SGMS1: variants seen among roughly 807,000 people sequenced by gnomAD.
SGMS1 encodes sphingomyelin synthase 1, also known as phosphatidylcholine:ceramide cholinephosphotransferase 1.
Under a neutral mutation model 46.2 loss-of-function variants are expected in SGMS1, and 13 were observed. The ratio of observed to expected loss-of-function variants is 0.28; its 90% CI spans 0.18 to 0.45. The LOEUF (loss-of-function observed/expected upper bound fraction) is 0.45. SGMS1 is among the 20% of genes least tolerant of loss of function. The pLI is 1.00. For synonymous variants in SGMS1, 203 were observed against 187.8 expected (o/e 1.08, Z -0.66); for missense variants, 324 against 519.9 (o/e 0.62, Z 3.66).
intron 2 of SGMS1, among the ~76,000 whole-genome samples, chr10:50,588,518 A>AT (rs1814972938): frequency 6.6e-6 from 1 of 152,186 alleles, no homozygotes; most frequent in Non-Finnish European, 1.5e-5. Context: ...TGTCTTTGAG[A>AT]TTTTAAGTAA....
intron 1 of SGMS1, among the ~76,000 whole-genome samples, chr10:50,600,655 T>A (rs767616443): frequency 2.6e-5 from 4 of 152,226 alleles, no homozygotes; most frequent in Admixed American, 1.3e-4. Context: ...ATGCTTCTGT[T>A]ACCCAGCTTC....
intron 6 of SGMS1, among the ~76,000 whole-genome samples, chr10:50,416,450 C>T (rs1305719609): frequency 6.6e-6 from 1 of 152,118 alleles, no homozygotes; most frequent in East Asian, 1.9e-4. Flanking sequence ...AAATATTCAG[C>T]TTTTATACAA....
chr10:50,527,537 A>C (rs1336940044), intron 2 of SGMS1, among the ~76,000 whole-genome samples: 2 of 152,178 alleles, frequency 1.3e-5, no homozygotes, highest in Non-Finnish European at 2.9e-5. Context: ...CTAGTTTCAG[A>C]GTCTTAGGCA....
intron 2 of SGMS1, among the ~76,000 whole-genome samples, chr10:50,526,650 T>C (rs1457577595): frequency 6.6e-6 from 1 of 152,244 alleles, no homozygotes; most frequent in African/African-American, 2.4e-5. Context: ...ATGTTAGCTA[T>C]TATTACTGCC....
intron 2 of SGMS1, among the ~76,000 whole-genome samples, chr10:50,575,605 C>T (rs763842113): frequency 4.6e-5 from 7 of 151,960 alleles, no homozygotes; most frequent in Non-Finnish European, 1.0e-4. Context: ...CCCCCGTCAC[C>T]CTCCTCCCCC....
At chr10:50,574,827 C>G (rs1447663438) in intron 2 of SGMS1, among the ~76,000 whole-genome samples, 1 of 151,632 alleles carries the variant, frequency 6.6e-6, no homozygotes, top group Non-Finnish European at 1.5e-5. Flanking sequence ...CAAATGTTTC[C>G]GATGATGAAT....
At chr10:50,556,789 A>T (rs1838192761) in intron 2 of SGMS1, among the ~76,000 whole-genome samples, 1 of 152,214 alleles carries the variant, frequency 6.6e-6, no homozygotes, top group Non-Finnish European at 1.5e-5. Flanking sequence ...ACAGTATTAT[A>T]ATTTTCTTGC....
At chr10:50,489,948 T>C (rs188353966) in intron 3 of SGMS1, among the ~76,000 whole-genome samples, 34 of 152,262 alleles carry the variant, frequency 2.2e-4, no homozygotes, top group Non-Finnish European at 1.0e-4. Context: ...CACTCCAGCC[T>C]GGGTGAGAGA....
At chr10:50,331,962 G>C (rs986450513) in intron 7 of SGMS1, among the ~76,000 whole-genome samples, 1 of 152,078 alleles carries the variant, frequency 6.6e-6, no homozygotes, top group African/African-American at 2.4e-5. Context: ...CCCAGTCTAC[G>C]ATATTTTGTT....
At chr10:50,592,048 C>T (rs1483378271) in intron 1 of SGMS1, among the ~76,000 whole-genome samples, 1 of 152,216 alleles carries the variant, frequency 6.6e-6, no homozygotes, top group Non-Finnish European at 1.5e-5. Flanking sequence ...CCGGCTGCTT[C>T]CTCACCTGAG....
chr10:50,345,028 T>C (rs973899543), intron 6 of SGMS1, among the ~76,000 whole-genome samples: 3 of 152,084 alleles, frequency 2.0e-5, no homozygotes, highest in African/African-American at 7.2e-5. Context: ...ATTTGCTTAC[T>C]CTACCTCGTG....
At chr10:50,488,205 G>C (rs992242780) in intron 3 of SGMS1, among the ~76,000 whole-genome samples, 1 of 151,860 alleles carries the variant, frequency 6.6e-6, no homozygotes, top group Non-Finnish European at 1.5e-5. Context: ...GTAGAGACGG[G>C]TTTTCATCTT....
chr10:50,434,259 C>T (rs1564912512), intron 5 of SGMS1, among the ~76,000 whole-genome samples: 1 of 152,152 alleles, frequency 6.6e-6, no homozygotes, highest in Non-Finnish European at 1.5e-5. Flanking sequence ...AGAAATAGAA[C>T]TTTTTGCTTT....
intron 1 of SGMS1, among the ~76,000 whole-genome samples, chr10:50,610,252 G>A (rs1838737229): frequency 6.6e-6 from 1 of 152,114 alleles, no homozygotes; most frequent in South Asian, 2.1e-4. Context: ...CTTCCCATTA[G>A]TTCCTCTAAA....
intron 2 of SGMS1, among the ~76,000 whole-genome samples, chr10:50,542,824 G>A (rs917927516): frequency 7.7e-5 from 11 of 142,176 alleles, no homozygotes; most frequent in Non-Finnish European, 1.7e-4. Flanking sequence ...TTCCTGCAGG[G>A]TTTTTTTGGT....
rs558915904 is a variant in SGMS1, at chr10:50,599,250, C to T, written c.-683-9003G>A. Among the ~76,000 whole-genome samples the T allele has an allele frequency of 3.3e-5, 5 of 152,304 alleles. No homozygotes were observed. In the South Asian group the frequency reaches 1.0e-3, roughly 32 times the overall value. ...AAAACAGTAACAAAAAAGCTCCCAT[C>T]AAAAACTTGCATGTTGTCTGCATAT... On this transcript the variant is annotated intron_variant, in intron 1 of 10. Transcript: ENST00000361781.
chr10:50,584,498 C>CAAAAAA (rs751224205), intron 2 of SGMS1, among the ~76,000 whole-genome samples: 2 of 69,546 alleles, frequency 2.9e-5, no homozygotes, highest in Admixed American at 1.5e-4. Context: ...GACTCCATCT[C>CAAAAAA]AAAAAAAAAA....
intron 3 of SGMS1, among the ~76,000 whole-genome samples, chr10:50,502,389 G>T (rs1168714677): frequency 6.6e-6 from 1 of 151,066 alleles, no homozygotes; most frequent in Admixed American, 6.6e-5. Flanking sequence ...CTGAGCTTCC[G>T]AGGGAAGTAA....
At chr10:50,546,426 T>A (rs1564428756) in intron 2 of SGMS1, among the ~76,000 whole-genome samples, 1 of 152,190 alleles carries the variant, frequency 6.6e-6, no homozygotes, top group Non-Finnish European at 1.5e-5. Flanking sequence ...TGCACATGTA[T>A]GTTTATTGTG....
Sources: gnomAD v4.1 joint callset for allele counts (sites outside exome capture counted in the v4.1 genomes callset) on GRCh38, gnomAD v4.1.1 for gene constraint, MANE v1.5 for transcripts, NCBI Gene and HGNC (gene_info 2026-07-23, HGNC 2026-07-21) for gene names.